The following EFHC2 variants were observed in gnomAD, a reference collection of about 807,000 sequenced individuals.
EFHC2 encodes the protein EF-hand domain-containing family member C2.
Under a neutral mutation model 52.7 loss-of-function variants are expected in EFHC2, and 18 were observed. The ratio of observed to expected loss-of-function variants is 0.34; its 90% CI spans 0.24 to 0.51. EFHC2 has a LOEUF of 0.51. Among genes scored for constraint, EFHC2 ranks in the 20% least tolerant of loss-of-function variants. EFHC2 has a pLI of 0.97. For missense variants in EFHC2, 513 were observed against 562.5 expected (o/e 0.91, Z 0.89); for synonymous variants, 203 against 204.1 (o/e 0.99, Z 0.04).
chrX:44,254,211 TCTC>T (rs953397870), intron 4 of EFHC2, among the ~76,000 whole-genome samples: 2 of 111,626 alleles, frequency 1.8e-5, no homozygotes, highest in Non-Finnish European at 3.8e-5. Context: ...GAACACCTCT[TCTC>T]CTCCGAAGGA....
intron 11 of EFHC2, among the ~76,000 whole-genome samples, chrX:44,195,371 T>G (rs2036956731): frequency 8.9e-6 from 1 of 111,799 alleles, no homozygotes; most frequent in Non-Finnish European, 1.9e-5. Context: ...CAACGAACCC[T>G]CAGCCAACCC....
At chrX:44,285,292 C>G (rs2037743144) in intron 2 of EFHC2, 3 of 111,821 alleles carry the variant, frequency 2.7e-5, no homozygotes. Flanking sequence ...AAGGCAGATC[C>G]AAGAATTCTT....
At chrX:44,187,059 T>G (rs1196630313) in intron 11 of EFHC2, among the ~76,000 whole-genome samples, 3 of 103,459 alleles carry the variant, frequency 2.9e-5, no homozygotes, top group Non-Finnish European at 5.9e-5. Context: ...GTCAAAGTTG[T>G]AGTGAGCTAT....
intron 7 of EFHC2, among the ~76,000 whole-genome samples, chrX:44,243,140 T>A (rs2037373106): frequency 9.0e-6 from 1 of 111,335 alleles, no homozygotes; most frequent in Non-Finnish European, 1.9e-5. Context: ...TTTGCGAGGC[T>A]GTACAATCTC....
intron 14 of EFHC2, among the ~76,000 whole-genome samples, chrX:44,150,474 C>A (rs1047227310): frequency 3.6e-5 from 4 of 111,715 alleles, no homozygotes; most frequent in Admixed American, 9.5e-5. Context: ...AAACTTCTGG[C>A]CTTCTGTGCT....
intron 11 of EFHC2, among the ~76,000 whole-genome samples, chrX:44,184,113 A>T (rs774142900): frequency 3.3e-4 from 37 of 111,876 alleles, no homozygotes; most frequent in Admixed American, 1.3e-3. Flanking sequence ...AAACCCTGTG[A>T]GGGCTTGCCA....
intron 1 of EFHC2, among the ~76,000 whole-genome samples, chrX:44,325,518 G>A (rs779457494): frequency 1.0e-4 from 11 of 109,976 alleles, no homozygotes; most frequent in South Asian, 3.9e-4. Context: ...CCCCTTCCTC[G>A]TTGCTAAAAA....
At chrX:44,185,830 T>C (rs1378385425) in intron 11 of EFHC2, among the ~76,000 whole-genome samples, 2 of 111,758 alleles carry the variant, frequency 1.8e-5, no homozygotes, top group Non-Finnish European at 1.9e-5. Context: ...CTGTGCCTGG[T>C]TTAAAGAAAT....
chrX:44,174,645 A>C (rs2036771226), intron 13 of EFHC2, among the ~76,000 whole-genome samples: 1 of 93,031 alleles, frequency 1.1e-5, no homozygotes, highest in Admixed American at 1.1e-4. Context: ...AAAGGCCAAA[A>C]AAAAAAGGGG....
intron 2 of EFHC2, chrX:44,283,886 G>A (rs2037732155): frequency 9.2e-6 from 1 of 108,574 alleles, no homozygotes; most frequent in Admixed American, 9.9e-5. Flanking sequence ...AGGAGGCGCC[G>A]GAGTGGCGTG....
chrX:44,204,812 GC>G (rs2037034741), intron 11 of EFHC2, among the ~76,000 whole-genome samples: 1 of 111,956 alleles, frequency 8.9e-6, no homozygotes, highest in Non-Finnish European at 1.9e-5. Flanking sequence ...AACATTTGAG[GC>G]TATAATTCAG....
At chrX:44,219,410 A>G (rs1157397886) in intron 11 of EFHC2, among the ~76,000 whole-genome samples, 1 of 111,447 alleles carries the variant, frequency 9.0e-6, no homozygotes, top group Non-Finnish European at 1.9e-5. Context: ...TAAGCATGCT[A>G]AAATATTTAG....
At chrX:44,188,670 T>C (rs747873005) in intron 11 of EFHC2, among the ~76,000 whole-genome samples, 1 of 111,232 alleles carries the variant, frequency 9.0e-6, no homozygotes, top group Non-Finnish European at 1.9e-5. Context: ...TGTGTATACA[T>C]ATAGCGAGAA....
chrX:44,173,789 C>T (rs1296478194), intron 13 of EFHC2, among the ~76,000 whole-genome samples: 2 of 111,715 alleles, frequency 1.8e-5, no homozygotes, highest in Non-Finnish European at 1.9e-5. Context: ...AATGTCAAAT[C>T]GTAAAGGCAA....
intron 11 of EFHC2, among the ~76,000 whole-genome samples, chrX:44,180,192 G>A (rs1429011883): frequency 3.6e-5 from 4 of 112,152 alleles, no homozygotes; most frequent in Non-Finnish European, 7.5e-5. Flanking sequence ...TAAAGGCAGT[G>A]GGGTTTAAGC....
chrX:44,281,155 G>A (rs1453032370), intron 2 of EFHC2, among the ~76,000 whole-genome samples: 3 of 111,572 alleles, frequency 2.7e-5, no homozygotes, highest in African/African-American at 9.8e-5. Context: ...CCTGACCTCA[G>A]GTGATCCACC....
chrX:44,167,640 G>C (rs1318964120), intron 13 of EFHC2, among the ~76,000 whole-genome samples: 1 of 112,249 alleles, frequency 8.9e-6, no homozygotes, highest in East Asian at 2.8e-4. Context: ...GCTTGAACGA[G>C]TTCATCTTTC....
intron 2 of EFHC2, among the ~76,000 whole-genome samples, chrX:44,305,681 T>C (rs754070581): frequency 1.8e-5 from 2 of 111,763 alleles, no homozygotes; most frequent in Non-Finnish European, 3.8e-5. Flanking sequence ...CCTTGCTAGG[T>C]TGAGAATCTC....
chrX:44,173,228 C>G (rs1462197592), intron 13 of EFHC2, among the ~76,000 whole-genome samples: 1 of 111,962 alleles, frequency 8.9e-6, no homozygotes, highest in Non-Finnish European at 1.9e-5. Flanking sequence ...CTGCCCAGCT[C>G]CATTCCAAGG....
Sources: allele counts gnomAD v4.1 joint callset (sites outside exome capture counted in the v4.1 genomes callset), GRCh38; gene constraint gnomAD v4.1.1; transcripts MANE v1.5; gene names NCBI Gene and HGNC (gene_info 2026-07-23, HGNC 2026-07-21).